ANKRD33B: variants seen among roughly 807,000 people sequenced by gnomAD.
ANKRD33B encodes the protein ankyrin repeat domain 33B, also known as ankyrin repeat domain-containing protein 33B.
ANKRD33B carries 6 observed loss-of-function variants against 21.5 expected under a neutral mutation model. That is an observed-to-expected ratio of 0.28 (90% CI 0.15 to 0.55). The LOEUF (loss-of-function observed/expected upper bound fraction) is 0.55, where lower values mean the gene tolerates loss of function less well. Among genes scored for constraint, ANKRD33B ranks in the 20% least tolerant of loss-of-function variants. ANKRD33B has a pLI of 0.94. For synonymous variants in ANKRD33B, 347 were observed against 342.4 expected, an observed-to-expected ratio of 1.01 and a Z score of -0.15; for missense variants, 698 against 747.2, an observed-to-expected ratio of 0.93 and a Z score of 0.77.
At chr5:10,637,335 T>C (rs1407030955) in intron 2 of ANKRD33B, among the ~76,000 whole-genome samples, 1 of 152,014 alleles carries the variant, frequency 6.6e-6, no homozygotes, top group African/African-American at 2.4e-5. Context: ...GAAATCTGTG[T>C]TCTCTGAGAC....
chr5:10,656,386 A>G lies in ANKRD33B; in HGVS notation c.*6273A>G, dbSNP rs1737488559. 1 of 152,400 alleles carries G rather than the reference A, an allele frequency of 6.6e-6. No individual in the cohort carries two copies. Among genetic ancestry groups the G allele is most frequent in the Non-Finnish European group, 1.5e-5 (1 of 68,058 alleles). 9.4% of individuals were successfully genotyped at this position (152,400 alleles called of 1,614,324 possible). A position where few individuals can be genotyped will look rare whatever the true frequency, so the allele number is the denominator to read the frequency against. ...TTGGCAGCAGGCAGTGCCAATGTGG[A>G]CAGTGTACACTAAGCTGTGAGTGTG... On this transcript the variant is annotated 3_prime_UTR_variant, in exon 4 of 4. Transcript: ENST00000296657.
chr5:10,623,262 A>T (rs1425637459), intron 2 of ANKRD33B, among the ~76,000 whole-genome samples: 2 of 152,118 alleles, frequency 1.3e-5, no homozygotes, highest in African/African-American at 2.4e-5. Flanking sequence ...TCTGTGGGGC[A>T]TTGCCGGAAT....
intron 1 of ANKRD33B, among the ~76,000 whole-genome samples, chr5:10,602,883 G>C (rs984706284): frequency 1.3e-5 from 2 of 151,020 alleles, no homozygotes; most frequent in African/African-American, 4.9e-5. Context: ...CATGATCACA[G>C]CTCACTGCAG....
chr5:10,577,535 T>C (rs1361954208), intron 1 of ANKRD33B, among the ~76,000 whole-genome samples: 1 of 152,224 alleles, frequency 6.6e-6, no homozygotes, highest in Non-Finnish European at 1.5e-5. Context: ...CAGGCAGCTG[T>C]GGTGGATTCC....
intron 1 of ANKRD33B, among the ~76,000 whole-genome samples, chr5:10,609,592 G>A (rs1736122383): frequency 6.6e-6 from 1 of 151,934 alleles, no homozygotes; most frequent in South Asian, 2.1e-4. Flanking sequence ...TTATTGGACA[G>A]CACTGTCCTC....
intron 1 of ANKRD33B, among the ~76,000 whole-genome samples, chr5:10,575,268 C>A (rs1735293874): frequency 6.6e-6 from 1 of 152,060 alleles, no homozygotes; most frequent in African/African-American, 2.4e-5. Flanking sequence ...ACTGAAAATA[C>A]AAAAATTAGC....
At chr5:10,613,905 A>C (rs1736227219) in intron 1 of ANKRD33B, among the ~76,000 whole-genome samples, 1 of 151,900 alleles carries the variant, frequency 6.6e-6, no homozygotes, top group Non-Finnish European at 1.5e-5. Context: ...TCTCAAAAAA[A>C]AAAAAAAAAG....
intron 3 of ANKRD33B, among the ~76,000 whole-genome samples, chr5:10,645,471 A>C (rs1737170986): frequency 6.6e-6 from 1 of 152,004 alleles, no homozygotes; most frequent in Admixed American, 6.5e-5. Flanking sequence ...TCCCATTAGC[A>C]CCTGTTTGGA....
At chr5:10,586,296 A>G (rs553059001) in intron 1 of ANKRD33B, among the ~76,000 whole-genome samples, 67 of 152,300 alleles carry the variant, frequency 4.4e-4, no homozygotes, top group Non-Finnish European at 8.7e-4. Context: ...ATTTGGTTGA[A>G]AAAAATCTAC....
chr5:10,626,895 A>G (rs1396160547), intron 2 of ANKRD33B, among the ~76,000 whole-genome samples: 2 of 152,258 alleles, frequency 1.3e-5, no homozygotes, highest in South Asian at 4.1e-4. Flanking sequence ...AAGCAGAATC[A>G]GCATTGTGAA....
At chr5:10,647,403 C>T (rs904221611) in intron 3 of ANKRD33B, among the ~76,000 whole-genome samples, 1 of 152,206 alleles carries the variant, frequency 6.6e-6, no homozygotes, top group Non-Finnish European at 1.5e-5. Context: ...GCCACTATGC[C>T]TGGCCCCTCA....
chr5:10,618,299 GC>G lies in ANKRD33B; in HGVS notation c.367-30del, dbSNP rs1280709302. The G allele has an allele frequency of 2.0e-6, 3 of 1,535,856 alleles. No individual in the cohort carries two copies. The East Asian group carries it at 7.3e-5, about 37-fold the overall frequency. On this transcript the variant is annotated intron_variant, in intron 1 of 3. Transcript: ENST00000296657. ...TGCTGACCCACCATGCTCCGACTCT[GC>G]CCCTCTGACCCGCTTCCCCTCTTCA...
chr5:10,631,918 T>C (rs551118367), intron 2 of ANKRD33B, among the ~76,000 whole-genome samples: 122 of 152,294 alleles, frequency 8.0e-4, no homozygotes, highest in African/African-American at 2.7e-3. Flanking sequence ...TTCATCCAAA[T>C]TGCAGAACGG....
chr5:10,606,551 T>C (rs905875212), intron 1 of ANKRD33B, among the ~76,000 whole-genome samples: 3 of 151,944 alleles, frequency 2.0e-5, no homozygotes, highest in Non-Finnish European at 4.4e-5. Flanking sequence ...CTGGCCAACA[T>C]GGTGAAGCCC....
At chr5:10,564,943 A>G in intron 1 of ANKRD33B, 110 bp downstream of exon 1, 1 of 1,367,828 alleles carries the variant, frequency 7.3e-7, no homozygotes, top group East Asian at 2.6e-5. Context: ...TCCCTCGGTC[A>G]CTCAGCCGCC....
intron 2 of ANKRD33B, among the ~76,000 whole-genome samples, 158 bp downstream of exon 2, chr5:10,618,620 C>A (rs543807762): frequency 6.6e-6 from 1 of 152,228 alleles, no homozygotes; most frequent in Admixed American, 6.5e-5. Flanking sequence ...TGTGACCACA[C>A]GCTATGCATT....
At chr5:10,594,251 G>A (rs1368279819) in intron 1 of ANKRD33B, among the ~76,000 whole-genome samples, 1 of 92,638 alleles carries the variant, frequency 1.1e-5, no homozygotes, top group Non-Finnish European at 2.1e-5. Context: ...TTTTGAGACA[G>A]GGTTTCTTGC....
At chr5:10,617,177 G>C (rs1052841250) in intron 1 of ANKRD33B, among the ~76,000 whole-genome samples, 1 of 152,142 alleles carries the variant, frequency 6.6e-6, no homozygotes, top group Non-Finnish European at 1.5e-5. Context: ...TTAACATTTG[G>C]TAATACTTAA....
At chr5:10,648,638 A>G (rs558202150) in intron 3 of ANKRD33B, among the ~76,000 whole-genome samples, 1 of 152,332 alleles carries the variant, frequency 6.6e-6, no homozygotes, top group South Asian at 2.1e-4. Flanking sequence ...ACATGCCTGT[A>G]ATCCCAGCTA....
Sources: gnomAD v4.1 joint callset for allele counts (sites outside exome capture counted in the v4.1 genomes callset) on GRCh38, gnomAD v4.1.1 for gene constraint, MANE v1.5 for transcripts, NCBI Gene and HGNC (gene_info 2026-07-23, HGNC 2026-07-21) for gene names.